Variants in UNC45A observed in about 807,000 individuals in gnomAD.
UNC45A encodes the protein protein unc-45 homolog A.
In UNC45A, 78 loss-of-function variants were observed where a neutral mutation model predicts 103.2. The ratio of observed to expected loss-of-function variants is 0.76; its 90% CI spans 0.63 to 0.91. The LOEUF is 0.91. Among genes scored for constraint, UNC45A ranks in the 40% least tolerant of loss-of-function variants. UNC45A has a pLI of 0.00. For missense variants in UNC45A, 1,193 were observed against 1,224.8 expected, an observed-to-expected ratio of 0.97 and a Z score of 0.39; for synonymous variants, 495 against 504.6, an observed-to-expected ratio of 0.98 and a Z score of 0.25.
At chr15:90,949,767 A>G (rs1457299543) in intron 15 of UNC45A, 47 bp downstream of exon 15, 3 of 1,587,956 alleles carry the variant, frequency 1.9e-6, no homozygotes, top group African/African-American at 1.3e-5. Flanking sequence ...CCATCAGCCT[A>G]TAAAACATGA....
At chr15:90,934,416 C>T (rs1408115814), upstream of UNC45A, 17 of 399,024 alleles carry the variant, frequency 4.3e-5, no homozygotes, top group Admixed American at 8.8e-5. Flanking sequence ...CTTTTGCCCT[C>T]GTCTGTCTGA....
chr15:90,946,548 A>G (rs1596231379), intron 9 of UNC45A, 66 bp from the exon 10 acceptor site: 1 of 1,480,064 alleles, frequency 6.8e-7, no homozygotes, highest in Non-Finnish European at 9.0e-7. Flanking sequence ...AGTGGAGGGG[A>G]AGGGAGGGAA....
At chr15:90,931,874 GC>G (rs1427895886), upstream of UNC45A, 2 of 1,613,948 alleles carry the variant, frequency 1.2e-6, no homozygotes, top group Non-Finnish European at 1.7e-6. Flanking sequence ...CCGCACTTGT[GC>G]CCCAAAGTGT....
chr15:90,935,755 C>G (rs1228138223), intron 2 of UNC45A, 50 bp downstream of exon 2: 2 of 1,521,044 alleles, frequency 1.3e-6, no homozygotes, highest in Admixed American at 2.2e-5. Context: ...CCCGGTTCGC[C>G]CATCTAAGCT....
At position 90,952,916 on chromosome 15, in the gene UNC45A, T is replaced by G; in HGVS notation, c.2304-13T>G. 1 of 1,609,162 alleles carries G rather than the reference T, an allele frequency of 6.2e-7. No homozygotes were observed. Among genetic ancestry groups the G allele is most frequent in the Non-Finnish European group, 8.5e-7 (1 of 1,177,610 alleles). On this transcript the variant is annotated splice_polypyrimidine_tract_variant and intron_variant, in intron 17 of 19. Transcript: ENST00000418476. ...AAACCGTATCCCTGCTGCTTCCTCC[T>G]GTGGCCCTGCAGGCAGAAGATCCTG... is the stretch of plus-strand genomic sequence containing the variant.
At chr15:90,948,506 A>G (rs2036699427) in intron 12 of UNC45A, 148 bp from the exon 13 acceptor site, 2 of 1,381,180 alleles carry the variant, frequency 1.4e-6, no homozygotes, top group South Asian at 1.5e-5. Context: ...GTAAGCTCCC[A>G]AAGTCTGGGG....
At chr15:90,934,000 TG>T, upstream of UNC45A, 2 of 399,040 alleles carry the variant, frequency 5.0e-6, no homozygotes, top group Non-Finnish European at 8.8e-6. Flanking sequence ...AGAGAGATGT[TG>T]GGGTTCCCAG....
At chr15:90,950,345 G>A (rs560400092) in intron 16 of UNC45A, 78 bp downstream of exon 16, 1 of 1,504,912 alleles carries the variant, frequency 6.6e-7, no homozygotes, top group African/African-American at 1.4e-5. Context: ...CTCCCCTTTG[G>A]GACCAGCAGG....
At position 90,948,266 on chromosome 15, in the gene UNC45A, C is replaced by G. The variant is rs142557047; in HGVS notation, c.1720C>G (p.Leu574Val). Residue 574 changes from leucine (L) to valine (V), a missense_variant, in exon 12 of 20, where the codon CTG (leucine) becomes GTG (valine). Leu to Val is a conservative substitution (Grantham distance 32). Transcript: ENST00000418476. Reference protein sequence around the residue: ...FVEDAAALKALFQLSRLEERS... With the variant: ...FVEDAAALKAVFQLSRLEERS... ...GGAGGATGCGGCTGCTCTGAAAGCT[C>G]TGTTCCAGCTCAGCAGGGTAGCTCT... The G allele has an allele frequency of 1.2e-6, 2 of 1,613,954 alleles. No homozygotes were observed. Among genetic ancestry groups the G allele is most frequent in the Admixed American group, 1.7e-5 (1 of 60,030 alleles).
upstream of UNC45A, chr15:90,932,141 G>A (rs751711750): frequency 6.4e-7 from 1 of 1,565,820 alleles, no homozygotes; most frequent in Admixed American, 1.8e-5. Context: ...AGGAAGTCAG[G>A]TCGGAGGTAG....
In UNC45A at chr15:90,952,587, A is replaced by AT. The variant is rs1001938321; in HGVS notation, c.2304-333dup. 7.4e-4 allele frequency: 178 copies of AT among 239,538 alleles called. 2 individuals carry two copies. The highest frequency in any genetic ancestry group is 1.7e-3 in the African/African-American group (76 of 44,880). The allele number at this position is 239,538 out of a possible 1,614,324, so 14.8% of individuals were successfully genotyped here. ...AGGCGCGCACCAGCATACCCAGCTAATTTTTTTTTGTCTTTTTAGTAGAGA... is the reference window on the plus strand; with the variant it reads ...AGGCGCGCACCAGCATACCCAGCTAATTTTTTTTTTGTCTTTTTAGTAGAGA... On this transcript the variant is annotated intron_variant, in intron 17 of 19. Transcript: ENST00000418476.
chr15:90,935,345 G>A lies in UNC45A; in HGVS notation c.21G>A (p.Gly7=), dbSNP rs1567146677. 4 of 1,604,448 alleles carry A rather than the reference G, an allele frequency of 2.5e-6. No individual in the cohort carries two copies. The South Asian group carries it at 4.4e-5, about 18-fold the overall frequency. MTVSGP[G]TPEPRPATPG... The stretch of plus-strand genomic sequence containing the variant: ...CCGCGATGACTGTGAGTGGTCCAGG[G>A]ACCCCCGAGCCCCGGCCGGCCACCC... The change falls in exon 1 of 20, where the codon GGG becomes GGA. Residue 7 remains glycine (G), a synonymous_variant. Coordinates refer to ENST00000418476, the MANE Select transcript of UNC45A (RefSeq NM_018671.5).
At chr15:90,949,167 T>C (rs1334164460) in intron 13 of UNC45A, 149 bp from the exon 14 acceptor site, 1 of 1,150,336 alleles carries the variant, frequency 8.7e-7, no homozygotes, top group Non-Finnish European at 1.2e-6. Flanking sequence ...TGAGCCACCG[T>C]GCCCAGCCAA....
chr15:90,947,403 C>T, intron 10 of UNC45A: 1 of 277,924 alleles, frequency 3.6e-6, no homozygotes, highest in Non-Finnish European at 7.0e-6. Context: ...GGCACTCAGT[C>T]CTGGATTTCT....
chr15:90,952,201 G>A (rs1192495070), intron 17 of UNC45A: 1 of 152,276 alleles, frequency 6.6e-6, no homozygotes, highest in Non-Finnish European at 1.5e-5. Flanking sequence ...GTGTTAGTCT[G>A]TTCTTGCATT....
chr15:90,949,852 C>A, intron 15 of UNC45A, 132 bp downstream of exon 15: 2 of 996,640 alleles, frequency 2.0e-6, no homozygotes, highest in Non-Finnish European at 3.1e-6. Flanking sequence ...GAACACCGTC[C>A]CGCTGAGAGA....
upstream of UNC45A, chr15:90,932,790 C>T (rs2151349812): frequency 2.6e-6 from 1 of 384,288 alleles, no homozygotes; most frequent in East Asian, 3.7e-5. Context: ...AAGCCTGGCT[C>T]TTTGGGAGCC....
In UNC45A at chr15:90,949,390, G is replaced by GGTGAAGACGGAGAGCCCTGTGCTGACCA; in HGVS notation, c.1956_1983dup (p.Ser662GlufsTer80). 6.2e-7 allele frequency: 1 copy of GGTGAAGACGGAGAGCCCTGTGCTGACCA among 1,613,802 alleles called. No individual in the cohort carries two copies. The highest frequency in any genetic ancestry group is 8.5e-7 in the Non-Finnish European group (1 of 1,180,024). ...GTGTGGTGTCGGCCATGGTGTGCAT[G>GGTGAAGACGGAGAGCCCTGTGCTGACCA]GTGAAGACGGAGAGCCCTGTGCTGA... On this transcript the variant is annotated frameshift_variant, in exon 14 of 20. Transcript: ENST00000418476. LOFTEE classifies it high-confidence loss of function.
At chr15:90,931,419 G>A (rs2151347880), upstream of UNC45A, 1 of 1,600,130 alleles carries the variant, frequency 6.2e-7, no homozygotes, top group African/African-American at 1.3e-5. Context: ...CATAAGAGTC[G>A]ACAGAAACTT....
Sources: allele counts gnomAD v4.1 joint callset, GRCh38; gene constraint gnomAD v4.1.1; transcripts MANE v1.5; gene names NCBI Gene and HGNC (gene_info 2026-07-23, HGNC 2026-07-21).